Variants in SSUH2 observed in about 807,000 individuals in gnomAD.
The protein encoded by SSUH2 is protein SSUH2 homolog.
In SSUH2, 47 loss-of-function variants were observed where a neutral mutation model predicts 55.3. That is an observed-to-expected ratio of 0.85 (90% CI 0.67 to 1.08). SSUH2 has a LOEUF of 1.08. Among genes scored for constraint, SSUH2 ranks in the 50% least tolerant of loss-of-function variants. SSUH2 has a pLI of 0.00. For missense variants in SSUH2, 535 were observed against 490.7 expected (o/e 1.09, Z -0.85); for synonymous variants, 212 against 191.5 (o/e 1.11, Z -0.89).
intron 1 of SSUH2, among the ~76,000 whole-genome samples, chr3:8,637,566 G>C (rs1014081548): frequency 3.9e-5 from 6 of 152,196 alleles, no homozygotes; most frequent in Non-Finnish European, 8.8e-5. Flanking sequence ...CACAGCTGTG[G>C]AGTTAGAGCA....
At position 8,625,485 on chromosome 3, in the gene SSUH2, C is replaced by G. The variant is rs1697342196; in HGVS notation, c.873+57G>C. ...CACACACAGCTAGCAGCCCCAGGCC[C>G]ACGAGAGCAGAGGAGGAACCCAGCT... On this transcript the variant is annotated intron_variant, in intron 10 of 11. Coordinates refer to ENST00000544814, the MANE Select transcript of SSUH2 (RefSeq NM_001256748.3). The G allele has an allele frequency of 4.5e-6, 5 of 1,102,372 alleles. No homozygotes were observed. The African/African-American group carries it at 6.2e-5, about 14-fold the overall frequency. The allele number at this position is 1,102,372 out of a possible 1,614,324, so 68.3% of individuals were successfully genotyped here. A position where few individuals can be genotyped will look rare whatever the true frequency, so the allele number is the denominator to read the frequency against.
chr3:8,641,707 A>G lies in SSUH2; in HGVS notation c.28+3024T>C, dbSNP rs570533566. On this transcript the variant is annotated intron_variant, in intron 1 of 11. Coordinates refer to ENST00000544814, the MANE Select transcript of SSUH2 (RefSeq NM_001256748.3). ...GCTGCATTCCGGTGGCTGTGCCTCC[A>G]TCCACGGGATGTGTGAAAAACACTG... Among the ~76,000 whole-genome samples the G allele has an allele frequency of 2.0e-5, 3 of 152,358 alleles. No individual in the cohort carries two copies. In the South Asian group the frequency reaches 6.2e-4, roughly 32 times the overall value.
At chr3:8,633,140 G>A (rs925523478) in intron 4 of SSUH2, among the ~76,000 whole-genome samples, 68 of 133,392 alleles carry the variant, frequency 5.1e-4, no homozygotes, top group African/African-American at 1.8e-3. Flanking sequence ...GTTTGATGAC[G>A]CCTTTTTTTT....
chr3:8,645,337 G>A (rs138819258), upstream of SSUH2, among the ~76,000 whole-genome samples: 154 of 152,270 alleles, frequency 1.0e-3, 1 homozygote, highest in East Asian at 0.017. Flanking sequence ...AAAGCCACAC[G>A]GCACCTCATG....
At position 8,635,836 on chromosome 3, in the gene SSUH2, T is replaced by C; in HGVS notation, c.50A>G (p.Glu17Gly). 6.5e-7 allele frequency: 1 copy of C among 1,535,956 alleles called. No homozygotes were observed. The highest frequency in any genetic ancestry group is 8.7e-7 in the Non-Finnish European group (1 of 1,146,824). Residue 17 changes from glutamate to glycine, a missense_variant, in exon 2 of 12, where the codon GAG becomes GGG. By Grantham distance (98) the Glu-to-Gly change is moderately conservative. Coordinates refer to ENST00000544814, the MANE Select transcript of SSUH2 (RefSeq NM_001256748.3). ...EDDSVVDLSFEAESPLAPPTE... is the reference protein window; with the variant it reads ...EDDSVVDLSFGAESPLAPPTE... ...GGGGGGCGCCAGAGGACTCTCGGCC[T>C]CAAAACTGAGGTCCACCACACCTGC...
intron 7 of SSUH2, among the ~76,000 whole-genome samples, chr3:8,653,444 C>A (rs952668163): frequency 6.6e-6 from 1 of 152,128 alleles, no homozygotes; most frequent in Non-Finnish European, 1.5e-5. Context: ...TTTTAAAAAG[C>A]GTAAATGAAA....
chr3:8,654,719 C>G (rs1407135934), intron 7 of SSUH2, among the ~76,000 whole-genome samples: 1 of 151,924 alleles, frequency 6.6e-6, no homozygotes, highest in Non-Finnish European at 1.5e-5. Flanking sequence ...CAGTGTGTGG[C>G]CTTCTCCCCA....
At chr3:8,664,322 G>A (rs892418974) in intron 5 of SSUH2, among the ~76,000 whole-genome samples, 3 of 152,216 alleles carry the variant, frequency 2.0e-5, no homozygotes, top group Non-Finnish European at 2.9e-5. Context: ...ACAGATCCAT[G>A]GGGCAGGAAT....
intron 1 of SSUH2, among the ~76,000 whole-genome samples, chr3:8,639,384 CA>C (rs894629466): frequency 1.3e-5 from 2 of 152,172 alleles, no homozygotes; most frequent in African/African-American, 4.8e-5. Flanking sequence ...AAATGAGACT[CA>C]AAGATGTGGT....
intron 5 of SSUH2, among the ~76,000 whole-genome samples, chr3:8,668,547 A>ACAT: frequency 6.6e-6 from 1 of 152,330 alleles, no homozygotes; most frequent in East Asian, 1.9e-4. Flanking sequence ...TGCTTCAAAG[A>ACAT]CATCATCAAC....
intron 5 of SSUH2, among the ~76,000 whole-genome samples, chr3:8,668,972 G>A (rs1704257566): frequency 6.6e-6 from 1 of 151,952 alleles, no homozygotes; most frequent in African/African-American, 2.4e-5. Context: ...GAAGGAAAGG[G>A]AGGAAGGGAA....
At position 8,678,504 on chromosome 3, in the gene SSUH2, C is replaced by T. The variant is rs201686041; in HGVS notation, c.-900-1151G>A. On this transcript the variant is annotated intron_variant, in intron 2 of 18. Transcript: ENST00000317371. ...CCCATTGCAAGGGGGTGAGGCACCC[C>T]CCGCGAGGCGGGGACTGAGAGCCAG... is the stretch of plus-strand genomic sequence containing the variant. 7.9e-5 allele frequency among the ~76,000 whole-genome samples: 11 copies of T among 138,962 alleles called. 2 individuals are homozygous for T. The highest frequency in any genetic ancestry group is 1.6e-4 in the Non-Finnish European group (10 of 61,300). 91.2% of individuals were successfully genotyped at this position (138,962 alleles called of 152,430 possible).
chr3:8,662,159 C>T (rs1390315758), intron 6 of SSUH2, among the ~76,000 whole-genome samples: 1 of 152,186 alleles, frequency 6.6e-6, no homozygotes, highest in East Asian at 1.9e-4. Flanking sequence ...ATGGGAGACA[C>T]TCTCTCTGTC....
At chr3:8,629,641 C>G in intron 7 of SSUH2, 23 bp downstream of exon 7, 1 of 1,613,510 alleles carries the variant, frequency 6.2e-7, no homozygotes, top group Non-Finnish European at 8.5e-7. Flanking sequence ...CACTGACTCA[C>G]CAGTGGTTCA....
At chr3:8,627,677 G>A (rs1269582770) in intron 8 of SSUH2, 21 bp downstream of exon 8, 4 of 1,450,132 alleles carry the variant, frequency 2.8e-6, no homozygotes, top group Middle Eastern at 1.8e-4. Context: ...CTTCACCGCG[G>A]TGCTGGGGAG....
chr3:8,636,954 C>T (rs1700023423), intron 1 of SSUH2, among the ~76,000 whole-genome samples: 1 of 152,190 alleles, frequency 6.6e-6, no homozygotes, highest in Non-Finnish European at 1.5e-5. Flanking sequence ...CGTCTGACTC[C>T]AAAGTTCGTG....
intron 4 of SSUH2, chr3:8,671,270 G>A (rs62244202): frequency 0.082 from 13,623 of 165,998 alleles, 746 homozygotes; most frequent in African/African-American, 0.15. Flanking sequence ...CATTAGGGGT[G>A]ACATCCCACA....
intron 3 of SSUH2, 75 bp from the exon 4 acceptor site, chr3:8,633,870 C>T (rs1434273928): frequency 1.2e-6 from 2 of 1,613,878 alleles, no homozygotes; most frequent in African/African-American, 1.3e-5. Flanking sequence ...CCAGCCTCCT[C>T]AACGTGCAGG....
intron 7 of SSUH2, among the ~76,000 whole-genome samples, chr3:8,653,040 C>T (rs769371389): frequency 2.8e-4 from 42 of 152,314 alleles, no homozygotes; most frequent in Admixed American, 8.5e-4. Context: ...GCTCCACATC[C>T]ACTTGGAGAA....
Sources: allele counts gnomAD v4.1 joint callset (sites outside exome capture counted in the v4.1 genomes callset), GRCh38; gene constraint gnomAD v4.1.1; transcripts MANE v1.5; gene names NCBI Gene and HGNC (gene_info 2026-07-23, HGNC 2026-07-21).